The following PREP variants were observed in gnomAD, a reference collection of about 807,000 sequenced individuals.
PREP encodes dJ355L5.1 (prolyl endopeptidase).
PREP carries 29 observed loss-of-function variants against 87.6 expected under a neutral mutation model. That is an observed-to-expected ratio of 0.33 (90% CI 0.25 to 0.45). The LOEUF is 0.45. PREP is among the 20% of genes least tolerant of loss of function. PREP has a pLI of 1.00. For missense variants in PREP, 695 were observed against 886.5 expected (o/e 0.78, Z 2.74); for synonymous variants, 337 against 328.6 (o/e 1.03, Z -0.28).
intron 7 of PREP, 57 bp downstream of exon 7, chr6:105,352,915 A>G (rs1771996064): frequency 1.4e-6 from 2 of 1,435,708 alleles, no homozygotes; most frequent in Non-Finnish European, 2.0e-6. Flanking sequence ...GACCACAATA[A>G]TACTTTTTAA....
intron 10 of PREP, among the ~76,000 whole-genome samples, chr6:105,302,260 G>A (rs1458713057): frequency 6.6e-6 from 1 of 152,188 alleles, no homozygotes; most frequent in Non-Finnish European, 1.5e-5. Context: ...GATTTATGCT[G>A]CACATGGAAG....
At chr6:105,285,421 A>G in intron 12 of PREP, 65 bp downstream of exon 12, 1 of 1,503,504 alleles carries the variant, frequency 6.7e-7, no homozygotes, top group Non-Finnish European at 9.2e-7. Context: ...TTCAAACAGG[A>G]AGGATCAGCA....
intron 10 of PREP, among the ~76,000 whole-genome samples, chr6:105,308,368 C>T (rs1374048203): frequency 1.3e-5 from 2 of 152,158 alleles, no homozygotes; most frequent in Admixed American, 6.5e-5. Context: ...TAAAAGATTT[C>T]CAAACATGTG....
chr6:105,353,127 G>T (rs781163593), intron 6 of PREP, 50 bp from the exon 7 acceptor site: 3 of 1,408,542 alleles, frequency 2.1e-6, no homozygotes, highest in Non-Finnish European at 3.0e-6. Context: ...ATTTATTTTT[G>T]TGAGAACATT....
intron 6 of PREP, among the ~76,000 whole-genome samples, chr6:105,353,805 G>C (rs889190832): frequency 2.0e-5 from 3 of 150,770 alleles, no homozygotes; most frequent in African/African-American, 7.3e-5. Flanking sequence ...TAGCAAAATG[G>C]GTATGGACGC....
chr6:105,357,696 C>G (rs1772135813), intron 6 of PREP, among the ~76,000 whole-genome samples: 1 of 152,148 alleles, frequency 6.6e-6, no homozygotes, highest in African/African-American at 2.4e-5. Flanking sequence ...ATGACAGCCC[C>G]ACACCCAGAC....
rs545093538 is a variant in PREP, at chr6:105,277,126, A to ATATC, written c.*1014_*1017dup. 8.6e-5 allele frequency among the ~76,000 whole-genome samples: 13 copies of ATATC among 151,558 alleles called. No individual in the cohort carries two copies. The highest frequency in any genetic ancestry group is 1.7e-4 in the African/African-American group (7 of 41,206). On this transcript the variant is annotated 3_prime_UTR_variant, in exon 15 of 15. Transcript: ENST00000652536. ...TATGGATGAAAGTTTAAGGAATAGT[A>ATATC]TATCTTAAAAATCTTGGGGGTGGGC...
At chr6:105,330,265 G>C (rs1771290549) in intron 8 of PREP, among the ~76,000 whole-genome samples, 2 of 152,190 alleles carry the variant, frequency 1.3e-5, no homozygotes, top group Non-Finnish European at 2.9e-5. Flanking sequence ...CAGAACAATG[G>C]AAGTCTACGG....
At chr6:105,283,514 TCAAAA>T (rs924279248) in intron 12 of PREP, among the ~76,000 whole-genome samples, 7 of 152,222 alleles carry the variant, frequency 4.6e-5, no homozygotes, top group African/African-American at 1.4e-4. Context: ...GTTTTTCATA[TCAAAA>T]CAAATGTTAT....
intron 6 of PREP, among the ~76,000 whole-genome samples, chr6:105,363,499 C>G (rs998260019): frequency 5.3e-5 from 8 of 152,144 alleles, no homozygotes; most frequent in African/African-American, 1.9e-4. Context: ...GCACCTCTGC[C>G]CATCAAAGCC....
Position 105,294,705 on chromosome 6 carries a change from G to A in PREP, c.1318-5811C>T, listed in dbSNP as rs143259743. ...AGCACAACGCTCACCCATCACCTTGGTTATACCTTGGCCCTTAGAGCCTGA... is the reference window on the plus strand; with the variant it reads ...AGCACAACGCTCACCCATCACCTTGATTATACCTTGGCCCTTAGAGCCTGA... On this transcript the variant is annotated intron_variant, in intron 10 of 14. Transcript: ENST00000652536. Among the ~76,000 whole-genome samples, 355 of 152,258 alleles carry A rather than the reference G, an allele frequency of 2.3e-3. 1 individual carries two copies. Among genetic ancestry groups the A allele is most frequent in the African/African-American group, 7.9e-3 (328 of 41,532 alleles).
chr6:105,332,983 G>A (rs1033070913), intron 8 of PREP, among the ~76,000 whole-genome samples: 1 of 152,142 alleles, frequency 6.6e-6, no homozygotes, highest in Non-Finnish European at 1.5e-5. Flanking sequence ...AATCTAAACA[G>A]TTTTAAAAAT....
chr6:105,365,324 C>CT (rs1298901177), intron 6 of PREP, among the ~76,000 whole-genome samples: 11 of 152,228 alleles, frequency 7.2e-5, no homozygotes, highest in Admixed American at 3.3e-4. Flanking sequence ...AGCCTGAGAG[C>CT]TAATGTGTCC....
intron 7 of PREP, among the ~76,000 whole-genome samples, chr6:105,335,069 A>G (rs1377664723): frequency 6.6e-6 from 1 of 152,256 alleles, no homozygotes; most frequent in Non-Finnish European, 1.5e-5. Flanking sequence ...AGAGATGATC[A>G]TCACTAAAGT....
intron 6 of PREP, among the ~76,000 whole-genome samples, chr6:105,356,407 A>C (rs1583078163): frequency 2.0e-5 from 3 of 152,180 alleles, no homozygotes; most frequent in Admixed American, 2.0e-4. Context: ...ACAGCCCCCT[A>C]GTAGTTCTTA....
chr6:105,313,544 C>T (rs1254279972), intron 10 of PREP, among the ~76,000 whole-genome samples: 1 of 152,212 alleles, frequency 6.6e-6, no homozygotes, highest in Non-Finnish European at 1.5e-5. Context: ...ACAATGATCA[C>T]AGTTGTGTTT....
rs996526791 is a variant in PREP at position 105,278,710 on chromosome 6, C to G, written c.1839-272G>C. 5.3e-5 allele frequency among the ~76,000 whole-genome samples: 8 copies of G among 152,072 alleles called. No individual in the cohort carries two copies. Among genetic ancestry groups the G allele is most frequent in the Admixed American group, 3.3e-4 (5 of 15,302 alleles). On this transcript the variant is annotated intron_variant, in intron 14 of 14. Transcript: ENST00000652536. The surrounding 1 kb of genome is among the most constrained non-coding windows in gnomAD (Gnocchi z 4.2). Reference sequence around the variant, plus strand: ...ACAACCCAAATCACAGGCATGCTTACTGTCTCTTAAGGTGAGTAGTTTCAT... The same window carrying G: ...ACAACCCAAATCACAGGCATGCTTAGTGTCTCTTAAGGTGAGTAGTTTCAT...
chr6:105,282,768 T>C lies in PREP; in HGVS notation c.1550-186A>G, dbSNP rs149858412. 5.9e-5 allele frequency among the ~76,000 whole-genome samples: 9 copies of C among 152,320 alleles called. No homozygotes were observed. The East Asian group carries it at 1.7e-3, about 29-fold the overall frequency. ...ATGCACTGTGGAAATATATCATCAA[T>C]ACCACAATGCTAATCCATATGGTGG... On this transcript the variant is annotated intron_variant, in intron 12 of 14. Coordinates refer to ENST00000652536, the MANE Select transcript of PREP (RefSeq NM_002726.5).
intron 2 of PREP, among the ~76,000 whole-genome samples, chr6:105,378,494 T>C (rs759965582): frequency 3.3e-5 from 5 of 151,926 alleles, no homozygotes; most frequent in South Asian, 4.2e-4. Context: ...CTGAAACAAG[T>C]GGCATTGCAG....
Sources: gnomAD v4.1 joint callset for allele counts (sites outside exome capture counted in the v4.1 genomes callset) on GRCh38, gnomAD v4.1.1 for gene constraint, Gnocchi (gnomAD v3.1) non-coding constraint, MANE v1.5 for transcripts, NCBI Gene and HGNC (gene_info 2026-07-23, HGNC 2026-07-21) for gene names.